YTHDC1: variants seen among roughly 807,000 people sequenced by gnomAD.
YTHDC1 encodes YTH N6-methyladenosine RNA binding protein C1, also known as YTH domain-containing protein 1.
YTHDC1 carries 12 observed loss-of-function variants against 107.0 expected under a neutral mutation model. The ratio of observed to expected loss-of-function variants is 0.11; its 90% CI spans 0.07 to 0.18. YTHDC1 has a LOEUF of 0.18. Ranked by LOEUF, YTHDC1 falls within the 10% of genes least tolerant of loss-of-function variation. The probability of loss-of-function intolerance (pLI) is 1.00; values close to 1 mark genes in which losing one functional copy is unlikely to be tolerated. For synonymous variants in YTHDC1, 280 were observed against 289.5 expected, an observed-to-expected ratio of 0.97 and a Z score of 0.33; for missense variants, 635 against 898.8, an observed-to-expected ratio of 0.71 and a Z score of 3.75.
At chr4:68,337,544 G>A (rs1724326428) in intron 3 of YTHDC1, 28 bp downstream of exon 3, 1 of 1,585,950 alleles carries the variant, frequency 6.3e-7, no homozygotes, top group African/African-American at 1.4e-5. Flanking sequence ...ATGGCTTTCT[G>A]TTTTATATCT....
rs773364527 is a variant in YTHDC1, at chr4:68,337,112, A to C, written c.798T>G (p.Thr266=). The part of the protein sequence containing the change: ...DQKEEGNDYD[T]RSEASDSGSE... ...AACCAGAGTCACTGGCCTCACTTCGAGTGTCATAATCATTTCCCTCCTCTT... is the reference window on the plus strand; with the variant it reads ...AACCAGAGTCACTGGCCTCACTTCGCGTGTCATAATCATTTCCCTCCTCTT... Residue 266 remains threonine, a synonymous_variant, in exon 4 of 17, where the codon ACT becomes ACG. Transcript: ENST00000344157. 2.5e-6 allele frequency: 4 copies of C among 1,613,904 alleles called. No homozygotes were observed. The African/African-American group carries it at 5.3e-5, about 22-fold the overall frequency.
chr4:68,321,126 A>G (rs915703747), intron 11 of YTHDC1, among the ~76,000 whole-genome samples: 2 of 152,176 alleles, frequency 1.3e-5, no homozygotes, highest in Non-Finnish European at 2.9e-5. Flanking sequence ...AAAGTCCAAA[A>G]TATTTAGAAA....
chr4:68,320,065 TTTTAA>T, intron 12 of YTHDC1, 53 bp downstream of exon 12: 1 of 1,467,078 alleles, frequency 6.8e-7, no homozygotes, highest in Non-Finnish European at 9.3e-7. Context: ...GTTTTTAATT[TTTTAA>T]TTTTTTTCCA....
chr4:68,328,169 A>G (rs1280316509), intron 9 of YTHDC1, among the ~76,000 whole-genome samples: 1 of 152,212 alleles, frequency 6.6e-6, no homozygotes, highest in Non-Finnish European at 1.5e-5. Flanking sequence ...TAATGTAAAA[A>G]TGAAGGTTAA....
chr4:68,324,421 A>C (rs982119239), intron 9 of YTHDC1, among the ~76,000 whole-genome samples, 198 bp from the exon 10 acceptor site: 3 of 152,222 alleles, frequency 2.0e-5, no homozygotes, highest in African/African-American at 7.2e-5. Flanking sequence ...AAAAGAGCTT[A>C]AGAGCAAGGG....
intron 1 of YTHDC1, among the ~76,000 whole-genome samples, chr4:68,343,495 C>T (rs140221224): frequency 0.012 from 1,761 of 148,894 alleles, 11 homozygotes; most frequent in Non-Finnish European, 0.017. Flanking sequence ...AGCCACCGTG[C>T]CCGGCCTTAA....
chr4:68,326,492 C>A (rs1723001570), intron 9 of YTHDC1, among the ~76,000 whole-genome samples: 2 of 152,200 alleles, frequency 1.3e-5, no homozygotes, highest in Non-Finnish European at 2.9e-5. Context: ...CATACAGATA[C>A]AACTTATCTT....
At chr4:68,345,488 T>C (rs1349439542) in intron 1 of YTHDC1, among the ~76,000 whole-genome samples, 1 of 152,198 alleles carries the variant, frequency 6.6e-6, no homozygotes, top group Non-Finnish European at 1.5e-5. Context: ...TCTATTGTCT[T>C]GTAATGTACG....
rs1203940204 is a variant in YTHDC1, at chr4:68,332,179, T to G, written c.1046A>C (p.Lys349Thr). Residue 349 changes from lysine (K) to threonine (T), a missense_variant, in exon 7 of 17, where the codon AAA becomes ACA. By Grantham distance (78) the Lys-to-Thr change is moderately conservative (BLOSUM62 -1). Transcript: ENST00000344157. ...AAATCTTGCATCTTGAAGCACATAT[T>G]TGAGTTTACTGGTTTGATCTGAAAA... ...AVRKDQTSKL[K>T]YVLQDARFFL... The G allele has an allele frequency of 6.2e-7, 1 of 1,605,528 alleles. No homozygotes were observed. Among genetic ancestry groups the G allele is most frequent in the Non-Finnish European group, 8.5e-7 (1 of 1,175,982 alleles).
rs1721531726 is a variant in YTHDC1 at position 68,313,982 on chromosome 4, TACACAATGA to T, written c.*108_*116del. On this transcript the variant is annotated 3_prime_UTR_variant, in exon 17 of 17. Transcript: ENST00000344157. ...CAAAGGGGGTCATAATAAATCCTTC[TACACAATGA>T]ACTTCATAGGCAGACAGCTGAAAAT... The T allele has an allele frequency of 9.3e-7, 1 of 1,079,358 alleles. No homozygotes were observed. Among genetic ancestry groups the T allele is most frequent in the Admixed American group, 2.1e-5 (1 of 48,176 alleles). 66.9% of individuals were successfully genotyped at this position (1,079,358 alleles called of 1,614,324 possible).
chr4:68,326,108 C>T (rs1722966085), intron 9 of YTHDC1, among the ~76,000 whole-genome samples: 1 of 151,976 alleles, frequency 6.6e-6, no homozygotes, highest in South Asian at 2.1e-4. Context: ...AAACCTACAG[C>T]CACCAAAATA....
chr4:68,314,876 T>G (rs2109673433), intron 16 of YTHDC1, among the ~76,000 whole-genome samples: 1 of 152,302 alleles, frequency 6.6e-6, no homozygotes, highest in Non-Finnish European at 1.5e-5. Context: ...CTGCTCTAGT[T>G]TAAACTTTCT....
chr4:68,346,100 T>TATATAC (rs144743953), intron 1 of YTHDC1, among the ~76,000 whole-genome samples: 7,824 of 133,894 alleles, frequency 0.058, 335 homozygotes, highest in East Asian at 0.26. Context: ...TATATATATA[T>TATATAC]ACACACACAC....
chr4:68,317,445 A>G (rs1029110024), intron 15 of YTHDC1, among the ~76,000 whole-genome samples: 2 of 152,188 alleles, frequency 1.3e-5, no homozygotes, highest in African/African-American at 2.4e-5. Flanking sequence ...AAGAGGCCAT[A>G]TAACATATTG....
intron 9 of YTHDC1, among the ~76,000 whole-genome samples, chr4:68,326,970 A>G (rs1352950104): frequency 6.6e-6 from 1 of 151,230 alleles, no homozygotes; most frequent in Admixed American, 6.6e-5. Context: ...GCAGTGGCTC[A>G]TGCCTGTAGT....
intron 16 of YTHDC1, 35 bp from the exon 17 acceptor site, chr4:68,314,358 A>G (rs1242113383): frequency 1.2e-6 from 2 of 1,607,282 alleles, no homozygotes; most frequent in Non-Finnish European, 1.7e-6. Flanking sequence ...GGTATGTCAA[A>G]AAGGCAAATA....
rs1044747878 is a variant in YTHDC1 at position 68,350,004 on chromosome 4, T to C, written c.-251A>G. The C allele has an allele frequency of 1.7e-6, 1 of 583,522 alleles. No homozygotes were observed. The highest frequency in any genetic ancestry group is 3.0e-6 in the Non-Finnish European group (1 of 330,964). 36.1% of individuals were successfully genotyped at this position (583,522 alleles called of 1,614,324 possible). On this transcript the variant is annotated 5_prime_UTR_variant, in exon 1 of 17. Transcript: ENST00000344157. ...TTAGGGCTCAGACTCGGGCTAGGTA[T>C]GGGGGAGGGAAGGGAAACAGATGGC...
At chr4:68,314,679 A>G (rs1236219976) in intron 16 of YTHDC1, among the ~76,000 whole-genome samples, 6 of 152,318 alleles carry the variant, frequency 3.9e-5, no homozygotes, top group Non-Finnish European at 8.8e-5. Context: ...TATTATCCAT[A>G]TATACTGCCA....
chr4:68,349,697 C>T lies in YTHDC1; in HGVS notation c.28+29G>A, dbSNP rs1173135092. On this transcript the variant is annotated intron_variant, in intron 1 of 16. Coordinates refer to ENST00000344157, the MANE Select transcript of YTHDC1 (RefSeq NM_001031732.4). ...CCCCACTCCCGGGCCCCAGCCTCGCCTCGGCCCGTCATCTTTCTCCGCACT... is the reference window on the plus strand; with the variant it reads ...CCCCACTCCCGGGCCCCAGCCTCGCTTCGGCCCGTCATCTTTCTCCGCACT... 3 of 1,599,538 alleles carry T rather than the reference C, an allele frequency of 1.9e-6. 1 individual carries two copies. The South Asian group carries it at 3.3e-5, about 18-fold the overall frequency.
Sources: gnomAD v4.1 joint callset for allele counts (sites outside exome capture counted in the v4.1 genomes callset) on GRCh38, gnomAD v4.1.1 for gene constraint, MANE v1.5 for transcripts, NCBI Gene and HGNC (gene_info 2026-07-23, HGNC 2026-07-21) for gene names.